The following ARHGAP6 variants were observed in gnomAD, a reference collection of about 807,000 sequenced individuals.
ARHGAP6 encodes the protein rho GTPase-activating protein 6.
Under a neutral mutation model 55.7 loss-of-function variants are expected in ARHGAP6, and 16 were observed. The ratio of observed to expected loss-of-function variants is 0.29; its 90% CI spans 0.19 to 0.44. The LOEUF is 0.44. Among genes scored for constraint, ARHGAP6 ranks in the 20% least tolerant of loss-of-function variants. The probability of loss-of-function intolerance (pLI) is 1.00; values close to 1 mark genes in which losing one functional copy is unlikely to be tolerated. For missense variants in ARHGAP6, 698 were observed against 808.9 expected, an observed-to-expected ratio of 0.86 and a Z score of 1.66; for synonymous variants, 382 against 360.9, an observed-to-expected ratio of 1.06 and a Z score of -0.66.
At chrX:11,346,885 A>G (rs1259949418) in intron 1 of ARHGAP6, among the ~76,000 whole-genome samples, 1 of 111,663 alleles carries the variant, frequency 9.0e-6, no homozygotes, top group African/African-American at 3.3e-5. Context: ...AGAAAAAACA[A>G]TTATAAAGAC....
At chrX:11,636,524 C>T (rs775082807) in intron 1 of ARHGAP6, among the ~76,000 whole-genome samples, 8 of 110,839 alleles carry the variant, frequency 7.2e-5, no homozygotes, top group African/African-American at 2.0e-4. Context: ...TAAAGCTTCC[C>T]GGTAACAAGC....
At chrX:11,560,148 C>T (rs994326213) in intron 1 of ARHGAP6, among the ~76,000 whole-genome samples, 9 of 110,545 alleles carry the variant, frequency 8.1e-5, no homozygotes, top group Admixed American at 2.9e-4. Context: ...ATCAAAAAGA[C>T]GGGTTGAAAA....
rs780405871 is a variant in ARHGAP6, at chrX:11,315,957, T to G, written c.589-61250A>C. The stretch of plus-strand genomic sequence containing the variant: ...TTCTTCAACTTCTTCTCAATATTCT[T>G]CTCTATAGTGTTCCCCATCTAAGTC... On this transcript the variant is annotated intron_variant, in intron 1 of 12. Transcript: ENST00000337414. 4.5e-5 allele frequency among the ~76,000 whole-genome samples: 5 copies of G among 112,061 alleles called. No individual in the cohort carries two copies. In the South Asian group the frequency reaches 1.9e-3, roughly 43 times the overall value.
At chrX:11,540,756 G>T (rs912088256) in intron 1 of ARHGAP6, among the ~76,000 whole-genome samples, 4 of 112,590 alleles carry the variant, frequency 3.6e-5, no homozygotes, top group Non-Finnish European at 7.5e-5. Flanking sequence ...TTCAAATAAA[G>T]AAGGGACAAA....
At chrX:11,245,403 G>A (rs772029594) in intron 2 of ARHGAP6, among the ~76,000 whole-genome samples, 2 of 111,694 alleles carry the variant, frequency 1.8e-5, no homozygotes, top group Admixed American at 9.5e-5. Context: ...GCTCTAGAGA[G>A]AGAAGGCATA....
At chrX:11,341,713 GT>G (rs2048708926) in intron 1 of ARHGAP6, among the ~76,000 whole-genome samples, 1 of 111,938 alleles carries the variant, frequency 8.9e-6, no homozygotes, top group Non-Finnish European at 1.9e-5. Flanking sequence ...GCTGAACAAT[GT>G]TTCTTTCTCA....
At chrX:11,143,907 C>G (rs2045653035) in intron 11 of ARHGAP6, 73 bp downstream of exon 11, 1 of 1,210,169 alleles carries the variant, frequency 8.3e-7, no homozygotes, top group African/African-American at 1.7e-5. Flanking sequence ...CCGAAGAGCC[C>G]CACACCATGC....
At chrX:11,357,045 C>T (rs771755244) in intron 1 of ARHGAP6, among the ~76,000 whole-genome samples, 13 of 111,273 alleles carry the variant, frequency 1.2e-4, no homozygotes, top group Non-Finnish European at 1.9e-4. Flanking sequence ...TAATACTACC[C>T]GAGCCTGTAC....
At chrX:11,491,049 T>C (rs1183312527) in intron 1 of ARHGAP6, among the ~76,000 whole-genome samples, 4 of 111,945 alleles carry the variant, frequency 3.6e-5, no homozygotes, top group Non-Finnish European at 7.5e-5. Context: ...TTCTGAGGAA[T>C]GTCAACAGTG....
intron 1 of ARHGAP6, among the ~76,000 whole-genome samples, chrX:11,323,866 C>CAAAAAAAAAAAAA (rs61462099): frequency 3.0e-4 from 12 of 40,263 alleles, no homozygotes; most frequent in Non-Finnish European, 5.1e-4. Context: ...ACCCCCATTT[C>CAAAAAAAAAAAAA]AAAAAAAAAA....
At chrX:11,477,531 T>C (rs1381555302) in intron 1 of ARHGAP6, among the ~76,000 whole-genome samples, 3 of 112,013 alleles carry the variant, frequency 2.7e-5, no homozygotes, top group African/African-American at 9.7e-5. Context: ...GGAAAACATA[T>C]GTCCCCAAAA....
chrX:11,219,246 C>T (rs1364989832), intron 2 of ARHGAP6, among the ~76,000 whole-genome samples: 8 of 104,425 alleles, frequency 7.7e-5, no homozygotes, highest in South Asian at 4.6e-4. Context: ...CATAGTATTC[C>T]ATGGTGTATA....
At chrX:11,308,221 C>T (rs1160943420) in intron 1 of ARHGAP6, among the ~76,000 whole-genome samples, 1 of 111,985 alleles carries the variant, frequency 8.9e-6, no homozygotes, top group Non-Finnish European at 1.9e-5. Flanking sequence ...GGATTCAAAG[C>T]AGCTTTTACT....
At chrX:11,375,391 CTTG>C (rs1273954750) in intron 1 of ARHGAP6, among the ~76,000 whole-genome samples, 6 of 111,938 alleles carry the variant, frequency 5.4e-5, no homozygotes, top group Non-Finnish European at 9.4e-5. Flanking sequence ...ATTTGAAGGG[CTTG>C]TTGTTGTTGT....
At chrX:11,325,542 T>C (rs764663270) in intron 1 of ARHGAP6, among the ~76,000 whole-genome samples, 2 of 112,316 alleles carry the variant, frequency 1.8e-5, no homozygotes, top group Admixed American at 1.9e-4. Context: ...AAAAACACCT[T>C]TGTTAGTCTC....
At chrX:11,233,355 G>T (rs750587809) in intron 2 of ARHGAP6, among the ~76,000 whole-genome samples, 1 of 111,237 alleles carries the variant, frequency 9.0e-6, no homozygotes, top group Non-Finnish European at 1.9e-5. Context: ...CTGCTAATGC[G>T]CATTAAATCA....
chrX:11,427,963 G>A (rs1003768324), intron 1 of ARHGAP6, among the ~76,000 whole-genome samples: 4 of 112,177 alleles, frequency 3.6e-5, no homozygotes, highest in Non-Finnish European at 7.6e-5. Flanking sequence ...TGGGGGCTGC[G>A]GAGGCCGAAC....
Position 11,494,070 on chromosome X carries a change from A to C in ARHGAP6, c.588+170171T>G, listed in dbSNP as rs748153427. ...GTTTGGGACCATTTCTGTTACAGGGATGGTGGCATCCTGTGCATTAGATAA... is the reference window on the plus strand; with the variant it reads ...GTTTGGGACCATTTCTGTTACAGGGCTGGTGGCATCCTGTGCATTAGATAA... On this transcript the variant is annotated intron_variant, in intron 1 of 12. Coordinates refer to ENST00000337414, the MANE Select transcript of ARHGAP6 (RefSeq NM_013427.3). Among the ~76,000 whole-genome samples, 45 of 110,391 alleles carry C rather than the reference A, an allele frequency of 4.1e-4. No individual in the cohort carries two copies. In the Admixed American group the frequency reaches 4.2e-3, roughly 10 times the overall value.
At chrX:11,335,773 G>A (rs891561039) in intron 1 of ARHGAP6, 39 of 291,199 alleles carry the variant, frequency 1.3e-4, no homozygotes, top group East Asian at 1.1e-3. Flanking sequence ...TGGTTCCCAG[G>A]ATGGGATCTG....
Sources: gnomAD v4.1 joint callset for allele counts (sites outside exome capture counted in the v4.1 genomes callset) on GRCh38, gnomAD v4.1.1 for gene constraint, MANE v1.5 for transcripts, NCBI Gene and HGNC (gene_info 2026-07-23, HGNC 2026-07-21) for gene names.